CSTF2T: variants seen among roughly 807,000 people sequenced by gnomAD.
CSTF2T encodes the protein CF-1 64 kDa subunit tau.
Under a neutral mutation model 39.9 loss-of-function variants are expected in CSTF2T, and 18 were observed. The ratio of observed to expected loss-of-function variants is 0.45; its 90% confidence interval spans 0.31 to 0.67. The LOEUF (loss-of-function observed/expected upper bound fraction) is 0.67. Among genes scored for constraint, CSTF2T ranks in the 30% least tolerant of loss-of-function variants. The pLI, the probability that CSTF2T is intolerant of heterozygous loss-of-function variation, is 0.06. For synonymous variants in CSTF2T, 291 were observed against 276.4 expected (o/e 1.05, Z -0.52); for missense variants, 681 against 789.0 (o/e 0.86, Z 1.64).
rs111331961 is a variant in CSTF2T at position 51,698,273 on chromosome 10, T to G, written c.1277A>C (p.Glu426Ala). The G allele has an allele frequency of 7.4e-6, 12 of 1,613,926 alleles. No homozygotes were observed. Among genetic ancestry groups the G allele is most frequent in the Non-Finnish European group, 9.3e-6 (11 of 1,179,990 alleles). ...RAMETRAMET[E>A]VLETRVMERR... ...CTCCATTACACGTGTCTCTAAGACC[T>G]CAGTTTCCATGGCACGAGTCTCCAT... The change falls in exon 1 of 1, where the codon GAG (glutamate) becomes GCG (alanine). Residue 426 changes from glutamate to alanine, a missense_variant. Physicochemically the swap from Glu to Ala is moderately radical, Grantham distance 107. Coordinates refer to ENST00000331173, the MANE Select transcript of CSTF2T (RefSeq NM_015235.3).
Position 51,699,559 on chromosome 10 carries a change from T to C in CSTF2T, c.-10A>G. 2 of 1,602,742 alleles carry C rather than the reference T, an allele frequency of 1.2e-6. No individual in the cohort carries two copies. The highest frequency in any genetic ancestry group is 1.7e-6 in the Non-Finnish European group (2 of 1,174,234). ...CCGCCAAACTCGACATGATTCCGGTTGTGCAGACAGCCGATAGCGGATTCT... is the reference window on the plus strand; with the variant it reads ...CCGCCAAACTCGACATGATTCCGGTCGTGCAGACAGCCGATAGCGGATTCT... On this transcript the variant is annotated 5_prime_UTR_variant, in exon 1 of 1. Coordinates refer to ENST00000331173, the MANE Select transcript of CSTF2T (RefSeq NM_015235.3).
chr10:51,698,958 T>C lies in CSTF2T; in HGVS notation c.592A>G (p.Thr198Ala). The C allele has an allele frequency of 6.2e-7, 1 of 1,614,212 alleles. No homozygotes were observed. Among genetic ancestry groups the C allele is most frequent in the Non-Finnish European group, 8.5e-7 (1 of 1,180,040 alleles). The stretch of plus-strand genomic sequence containing the variant: ...TGAGATTTGCCTGGGATCAGTGGTG[T>C]GACATGTATCTTCCGATGCAGAATT... The part of the protein sequence containing the change: ...LKILHRKIHV[T>A]PLIPGKSQSV... The change falls in exon 1 of 1, where the codon ACA (threonine) becomes GCA (alanine). Residue 198 changes from threonine (T) to alanine (A), a missense_variant. This residue lies in a region of CSTF2T where 329 missense variants were observed against 344.1 expected (regional missense o/e 0.96). Coordinates refer to ENST00000331173, the MANE Select transcript of CSTF2T (RefSeq NM_015235.3).
chr10:51,698,690 T>G lies in CSTF2T; in HGVS notation c.860A>C (p.Gln287Pro). 6.2e-7 allele frequency: 1 copy of G among 1,614,216 alleles called. No homozygotes were observed. The highest frequency in any genetic ancestry group is 1.1e-5 in the South Asian group (1 of 91,088). The change falls in exon 1 of 1, where the codon CAG becomes CCG. Residue 287 changes from glutamine (Q) to proline (P), a missense_variant. Around this residue, in one of 4 missense-constraint regions of CSTF2T, gnomAD observed 329 missense variants for 344.1 expected, o/e 0.96. Coordinates refer to ENST00000331173, the MANE Select transcript of CSTF2T (RefSeq NM_015235.3). ...AACCCCTGGCATTCCAAGTTGGGGC[T>G]GCATTGCTCCTCCAGGAGTTAAGGA... The part of the protein sequence containing the change: ...PGSLTPGGAM[Q>P]PQLGMPGVGP...
Position 51,697,518 on chromosome 10 carries a change from C to T in CSTF2T, c.*181G>A, listed in dbSNP as rs961162425. 4.8e-6 allele frequency: 3 copies of T among 625,976 alleles called. No individual in the cohort carries two copies. In the Admixed American group the frequency reaches 9.4e-5, roughly 20 times the overall value. 38.8% of individuals were successfully genotyped at this position (625,976 alleles called of 1,614,324 possible). On this transcript the variant is annotated 3_prime_UTR_variant, in exon 1 of 1. Coordinates refer to ENST00000331173, the MANE Select transcript of CSTF2T (RefSeq NM_015235.3). ...GAACAGACGCACTCCCTCCTCCCCC[C>T]ACCCTCAATTAAAAAAAAAAGGAAA...
At position 51,697,195 on chromosome 10, in the gene CSTF2T, A is replaced by G. The variant is rs1841318017; in HGVS notation, c.*504T>C. The G allele has an allele frequency of 6.5e-6, 1 of 154,560 alleles. No homozygotes were observed. The allele number at this position is 154,560 out of a possible 1,614,324, so 9.6% of individuals were successfully genotyped here. A position where few individuals can be genotyped will look rare whatever the true frequency, so the allele number is the denominator to read the frequency against. On this transcript the variant is annotated 3_prime_UTR_variant, in exon 1 of 1. Transcript: ENST00000331173. The stretch of plus-strand genomic sequence containing the variant: ...ATTCTAAAACACTAAGACAATGCTT[A>G]TCCTATTGCCTCCAAAATAGGATTT...
rs557472318 is a variant in CSTF2T at position 51,697,927 on chromosome 10, T to G, written c.1623A>C (p.Gly541=). ...AGIQGVSIQG[G]GIQGGGIQGA... ...CCTGTATACCTCCTCCTTGTATACC[T>G]CCTCCTTGTATACTGACTCCTTGTA... Residue 541 remains glycine (G), a synonymous_variant, in exon 1 of 1, where the codon GGA becomes GGC. Transcript: ENST00000331173. 81 of 1,599,102 alleles carry G rather than the reference T, an allele frequency of 5.1e-5. No homozygotes were observed. In the Middle Eastern group the frequency reaches 9.9e-4, roughly 20 times the overall value.
rs2132401983 is a variant in CSTF2T, at chr10:51,696,086, A to T, written c.*1613T>A. 1 of 152,324 alleles carries T rather than the reference A, an allele frequency of 6.6e-6. No homozygotes were observed. Among genetic ancestry groups the T allele is most frequent in the African/African-American group, 2.4e-5 (1 of 41,590 alleles). The allele number at this position is 152,324 out of a possible 1,614,324, so 9.4% of individuals were successfully genotyped here. A position where few individuals can be genotyped will look rare whatever the true frequency, so the allele number is the denominator to read the frequency against. On this transcript the variant is annotated 3_prime_UTR_variant, in exon 1 of 1. Coordinates refer to ENST00000331173, the MANE Select transcript of CSTF2T (RefSeq NM_015235.3). ...TAATTGTCTCATTGGTATGTATATT[A>T]GGACTAAATGGCTGTATTCCATGCA...
Position 51,697,731 on chromosome 10 carries a change from C to T in CSTF2T, c.1819G>A (p.Glu607Lys). ...GCTCCAGTGGATTTCTGGATTTGTTCCTTTAAAATCAGGATACTCTGCCTT... is the reference window on the plus strand; with the variant it reads ...GCTCCAGTGGATTTCTGGATTTGTTTCTTTAAAATCAGGATACTCTGCCTT... The part of the protein sequence containing the change: ...EQRQSILILK[E>K]QIQKSTGAS The change falls in exon 1 of 1, where the codon GAA becomes AAA. Residue 607 changes from glutamate (E) to lysine (K), a missense_variant. Glu to Lys is a moderately conservative substitution (Grantham distance 56). This residue lies in a region of CSTF2T where 282 missense variants were observed against 289.2 expected (regional missense o/e 0.98). Transcript: ENST00000331173. 2 of 1,614,104 alleles carry T rather than the reference C, an allele frequency of 1.2e-6. No homozygotes were observed. The highest frequency in any genetic ancestry group is 1.7e-6 in the Non-Finnish European group (2 of 1,180,024).
At position 51,698,255 on chromosome 10, in the gene CSTF2T, A is replaced by C; in HGVS notation, c.1295T>G (p.Val432Gly). 1 of 1,613,764 alleles carries C rather than the reference A, an allele frequency of 6.2e-7. No homozygotes were observed. The highest frequency in any genetic ancestry group is 8.5e-7 in the Non-Finnish European group (1 of 1,179,900). Residue 432 changes from valine to glycine, a missense_variant, in exon 1 of 1, where the codon GTA becomes GGA. By Grantham distance (109) the Val-to-Gly change is moderately radical. Coordinates refer to ENST00000331173, the MANE Select transcript of CSTF2T (RefSeq NM_015235.3). Reference sequence around the variant, plus strand: ...GGTCTCCATTCCTCTCCTCTCCATTACACGTGTCTCTAAGACCTCAGTTTC... The same window carrying C: ...GGTCTCCATTCCTCTCCTCTCCATTCCACGTGTCTCTAAGACCTCAGTTTC... ...AMETEVLETR[V>G]MERRGMETCA...
rs1252295206 is a variant in CSTF2T, at chr10:51,698,429, C to A, written c.1121G>T (p.Gly374Val). ...TCCCCTCATCTCATGTGAGGAAGGGCCACGAGTGTCATGACCAGAGGCATG... is the reference window on the plus strand; with the variant it reads ...TCCCCTCATCTCATGTGAGGAAGGGACACGAGTGTCATGACCAGAGGCATG... ...MHHASGHDTR[G>V]PSSHEMRGGP... is the part of the protein sequence containing the mutation. Residue 374 changes from glycine to valine, a missense_variant, in exon 1 of 1, where the codon GGC (glycine) becomes GTC (valine). This residue lies in a region of CSTF2T where 329 missense variants were observed against 344.1 expected (regional missense o/e 0.96). Coordinates refer to ENST00000331173, the MANE Select transcript of CSTF2T (RefSeq NM_015235.3). The A allele has an allele frequency of 1.2e-6, 2 of 1,613,948 alleles. No homozygotes were observed. Among genetic ancestry groups the A allele is most frequent in the African/African-American group, 1.3e-5 (1 of 74,902 alleles).
Position 51,697,942 on chromosome 10 carries a change from G to GT in CSTF2T, c.1607_1608insA (p.Ser537GlnfsTer24), listed in dbSNP as rs1841344095. ...CTTGTATACCTCCTCCTTGTATACT[G>GT]ACTCCTTGTATGCCTGCCCCCTGCA... is the stretch of plus-strand genomic sequence containing the variant. On this transcript the variant is annotated frameshift_variant, in exon 1 of 1. Coordinates refer to ENST00000331173, the MANE Select transcript of CSTF2T (RefSeq NM_015235.3). LOFTEE classifies it high-confidence loss of function. 6.3e-7 allele frequency: 1 copy of GT among 1,597,898 alleles called. No homozygotes were observed. Among genetic ancestry groups the GT allele is most frequent in the African/African-American group, 1.3e-5 (1 of 74,288 alleles).
Position 51,699,556 on chromosome 10 carries a change from G to A in CSTF2T, c.-7C>T, listed in dbSNP as rs768248166. 1.2e-6 allele frequency: 2 copies of A among 1,603,814 alleles called. No individual in the cohort carries two copies. The highest frequency in any genetic ancestry group is 2.7e-5 in the African/African-American group (2 of 74,584). On this transcript the variant is annotated 5_prime_UTR_variant, in exon 1 of 1. Coordinates refer to ENST00000331173, the MANE Select transcript of CSTF2T (RefSeq NM_015235.3). ...TCACCGCCAAACTCGACATGATTCC[G>A]GTTGTGCAGACAGCCGATAGCGGAT...
In CSTF2T at chr10:51,698,632, C is replaced by T; in HGVS notation, c.918G>A (p.Gln306=). Reference sequence around the variant, plus strand: ...GTATAGGAGCTCTAGGATCTGACATCTGCACTTGTCCCCGCTCTAAAGGCA... The same window carrying T: ...GTATAGGAGCTCTAGGATCTGACATTTGCACTTGTCCCCGCTCTAAAGGCA... ...GPVPLERGQV[Q]MSDPRAPIPR... Residue 306 remains glutamine (Q), a synonymous_variant, in exon 1 of 1, where the codon CAG becomes CAA. Coordinates refer to ENST00000331173, the MANE Select transcript of CSTF2T (RefSeq NM_015235.3). 2.5e-6 allele frequency: 4 copies of T among 1,614,106 alleles called. No individual in the cohort carries two copies. The highest frequency in any genetic ancestry group is 3.4e-6 in the Non-Finnish European group (4 of 1,180,046).
rs1229896203 is a variant in CSTF2T at position 51,699,142 on chromosome 10, G to A, written c.408C>T (p.Pro136=). ...TCATCAGCTCAAACATCTGCTCCGG[G>A]GGGAGACTGGCTACTGCTCTGGTAA... ...ESITRAVASL[P]PEQMFELMKQ... is the part of the protein sequence containing the mutation. The change falls in exon 1 of 1, where the codon CCC becomes CCT. Residue 136 remains proline (P), a synonymous_variant. Coordinates refer to ENST00000331173, the MANE Select transcript of CSTF2T (RefSeq NM_015235.3). 1.2e-6 allele frequency: 2 copies of A among 1,614,176 alleles called. No individual in the cohort carries two copies. Among genetic ancestry groups the A allele is most frequent in the East Asian group, 2.2e-5 (1 of 44,868 alleles).
rs565309423 is a variant in CSTF2T, at chr10:51,697,938, T to C, written c.1612A>G (p.Ile538Val). The part of the protein sequence containing the change: ...MQGAGIQGVS[I>V]QGGGIQGGGI... ...CCTCCTTGTATACCTCCTCCTTGTA[T>C]ACTGACTCCTTGTATGCCTGCCCCC... The change falls in exon 1 of 1, where the codon ATA becomes GTA. Residue 538 changes from isoleucine (I) to valine (V), a missense_variant. Physicochemically the swap from Ile to Val is conservative, Grantham distance 29 (BLOSUM62 3). Around this residue, in one of 4 missense-constraint regions of CSTF2T, gnomAD observed 282 missense variants for 289.2 expected, o/e 0.98. Coordinates refer to ENST00000331173, the MANE Select transcript of CSTF2T (RefSeq NM_015235.3). 1.9e-6 allele frequency: 3 copies of C among 1,599,002 alleles called. No homozygotes were observed. The South Asian group carries it at 3.3e-5, about 18-fold the overall frequency.
In CSTF2T at chr10:51,697,527, T is replaced by C. The variant is rs537541770; in HGVS notation, c.*172A>G. 3.3e-4 allele frequency: 219 copies of C among 671,768 alleles called. No individual in the cohort carries two copies. In the African/African-American group the frequency reaches 4.1e-3, roughly 13 times the overall value. 41.6% of individuals were successfully genotyped at this position (671,768 alleles called of 1,614,324 possible). On this transcript the variant is annotated 3_prime_UTR_variant, in exon 1 of 1. Transcript: ENST00000331173. ...CACTCCCTCCTCCCCCCACCCTCAA[T>C]TAAAAAAAAAAGGAAAACAGAAAGA... is the stretch of plus-strand genomic sequence containing the variant.
At position 51,696,067 on chromosome 10, in the gene CSTF2T, T is replaced by A. The variant is rs191733426; in HGVS notation, c.*1632A>T. 3.9e-5 allele frequency: 6 copies of A among 152,314 alleles called. No homozygotes were observed. The highest frequency in any genetic ancestry group is 1.4e-4 in the African/African-American group (6 of 41,576). 9.4% of individuals were successfully genotyped at this position (152,314 alleles called of 1,614,324 possible). A position where few individuals can be genotyped will look rare whatever the true frequency, so the allele number is the denominator to read the frequency against. On this transcript the variant is annotated 3_prime_UTR_variant, in exon 1 of 1. Coordinates refer to ENST00000331173, the MANE Select transcript of CSTF2T (RefSeq NM_015235.3). ...CCATCTTCCAACCAATTTTTAATTG[T>A]CTCATTGGTATGTATATTAGGACTA...
rs1241731501 is a variant in CSTF2T at position 51,697,837 on chromosome 10, T to C, written c.1713A>G (p.Pro571=). The C allele has an allele frequency of 6.2e-7, 1 of 1,614,128 alleles. No individual in the cohort carries two copies. The highest frequency in any genetic ancestry group is 8.5e-7 in the Non-Finnish European group (1 of 1,180,028). ...TCAAAGCTGCCTTCTCCTGATCCTG[T>C]GGAGTGACCTGGCTCTGCCCAGGAC... is the stretch of plus-strand genomic sequence containing the variant. ...SFSPGQSQVT[P]QDQEKAALIM... is the part of the protein sequence containing the mutation. The change falls in exon 1 of 1, where the codon CCA becomes CCG. Residue 571 remains proline (P), a synonymous_variant. Transcript: ENST00000331173.
Position 51,697,856 on chromosome 10 carries a change from C to G in CSTF2T, c.1694G>C (p.Gly565Ala), listed in dbSNP as rs143146883. 6.2e-7 allele frequency: 1 copy of G among 1,613,854 alleles called. No homozygotes were observed. Among genetic ancestry groups the G allele is most frequent in the African/African-American group, 1.3e-5 (1 of 74,880 alleles). Reference protein sequence around the residue: ...GGSQPSSFSPGQSQVTPQDQE... With the variant: ...GGSQPSSFSPAQSQVTPQDQE... ...ATCCTGTGGAGTGACCTGGCTCTGC[C>G]CAGGACTAAAACTGCTAGGCTGGCT... The change falls in exon 1 of 1, where the codon GGG (glycine) becomes GCG (alanine). Residue 565 changes from glycine to alanine, a missense_variant. Transcript: ENST00000331173.
Sources: allele counts gnomAD v4.1 joint callset, GRCh38; gene constraint gnomAD v4.1.1; regional missense constraint gnomAD v4.1.1; transcripts MANE v1.5; gene names NCBI Gene and HGNC (gene_info 2026-07-23, HGNC 2026-07-21).